Variants in IQCK observed in about 807,000 individuals in gnomAD.
IQCK encodes the protein IQ motif containing K.
IQCK carries 29 observed loss-of-function variants against 28.1 expected under a neutral mutation model. The ratio of observed to expected loss-of-function variants is 1.03; its 90% CI spans 0.77 to 1.41. The LOEUF (loss-of-function observed/expected upper bound fraction) is 1.41, where lower values mean the gene tolerates loss of function less well. IQCK is among the 40% of genes most tolerant of loss of function. The pLI is 0.00. For missense variants in IQCK, 359 were observed against 314.7 expected (o/e 1.14, Z -1.07); for synonymous variants, 113 against 115.1 (o/e 0.98, Z 0.12).
At chr16:19,777,169 G>T (rs1413424046) in intron 6 of IQCK, among the ~76,000 whole-genome samples, 4 of 151,990 alleles carry the variant, frequency 2.6e-5, no homozygotes, top group African/African-American at 9.7e-5. Context: ...TGTCTTTTCA[G>T]CTAAGTTTTA....
chr16:19,829,291 C>A (rs949655937), downstream of IQCK, among the ~76,000 whole-genome samples: 7 of 151,618 alleles, frequency 4.6e-5, no homozygotes, highest in African/African-American at 1.5e-4. Flanking sequence ...TCTGCTCTTA[C>A]AATGTGCCAA....
At chr16:19,737,177 T>TA (rs2054770182) in intron 4 of IQCK, among the ~76,000 whole-genome samples, 1 of 151,592 alleles carries the variant, frequency 6.6e-6, no homozygotes, top group Non-Finnish European at 1.5e-5. Context: ...AAAAAAAAGA[T>TA]ACTAAAAAAG....
At chr16:19,827,181 C>T (rs1469219795) in exon 8 of IQCK, 1 of 1,370,134 alleles carries the variant, frequency 7.3e-7, no homozygotes, top group African/African-American at 1.4e-5. Flanking sequence ...CAAGAAAAGC[C>T]TGATTCTTAT....
chr16:19,820,557 G>A (rs191558381), intron 7 of IQCK, among the ~76,000 whole-genome samples: 24 of 151,478 alleles, frequency 1.6e-4, no homozygotes, highest in Admixed American at 1.4e-3. Context: ...GCTGAGGCAC[G>A]AGAATCACTT....
At chr16:19,834,966 A>C (rs954461964) in intron 9 of IQCK, among the ~76,000 whole-genome samples, 4 of 152,186 alleles carry the variant, frequency 2.6e-5, no homozygotes, top group African/African-American at 9.6e-5. Context: ...CCATTCATCT[A>C]TCAACATACA....
chr16:19,835,587 C>CTTTTTTT (rs372317479), intron 9 of IQCK, among the ~76,000 whole-genome samples: 1 of 138,940 alleles, frequency 7.2e-6, no homozygotes, highest in African/African-American at 2.7e-5. Flanking sequence ...CTTTTCTTTT[C>CTTTTTTT]TTTTTTTTTT....
intron 6 of IQCK, among the ~76,000 whole-genome samples, chr16:19,766,462 C>A (rs1404344806): frequency 6.6e-6 from 1 of 152,210 alleles, no homozygotes; most frequent in Non-Finnish European, 1.5e-5. Flanking sequence ...AAGGCAAGAA[C>A]TCAAATGCTG....
intron 9 of IQCK, among the ~76,000 whole-genome samples, chr16:19,834,482 A>T (rs1289927537): frequency 6.6e-6 from 1 of 152,172 alleles, no homozygotes; most frequent in Non-Finnish European, 1.5e-5. Context: ...TCCAGTGCAA[A>T]GCTTCTCAGC....
intron 6 of IQCK, among the ~76,000 whole-genome samples, chr16:19,770,863 T>C (rs2055310828): frequency 6.6e-6 from 1 of 152,144 alleles, no homozygotes; most frequent in South Asian, 2.1e-4. Flanking sequence ...CCTCAAGTGA[T>C]CCACCTGCCT....
chr16:19,856,628 T>C (rs1438959897), exon 10 of IQCK: 16 of 1,131,968 alleles, frequency 1.4e-5, no homozygotes, highest in Non-Finnish European at 2.1e-5. Flanking sequence ...GCTCTCTCTC[T>C]TGTGATTTCT....
At chr16:19,746,194 T>C (rs2054910278) in intron 4 of IQCK, among the ~76,000 whole-genome samples, 1 of 151,614 alleles carries the variant, frequency 6.6e-6, no homozygotes, top group South Asian at 2.1e-4. Flanking sequence ...TCATTTCTTT[T>C]TTTTTTTCTT....
intron 7 of IQCK, among the ~76,000 whole-genome samples, chr16:19,794,823 GAAAA>G (rs371791340): frequency 1.5e-5 from 1 of 65,624 alleles, no homozygotes; most frequent in Non-Finnish European, 2.4e-5. Flanking sequence ...GATGAAAGGA[GAAAA>G]AAAAAATGTG....
chr16:19,813,924 A>G (rs922636913), intron 7 of IQCK, among the ~76,000 whole-genome samples: 8 of 152,150 alleles, frequency 5.3e-5, no homozygotes, highest in African/African-American at 1.9e-4. Flanking sequence ...AACACATTAA[A>G]GAAAACAATT....
At chr16:19,744,919 T>A (rs939416249) in intron 4 of IQCK, among the ~76,000 whole-genome samples, 1 of 152,250 alleles carries the variant, frequency 6.6e-6, no homozygotes, top group African/African-American at 2.4e-5. Flanking sequence ...TTCCTGTGTG[T>A]ATAGCGATTT....
intron 7 of IQCK, among the ~76,000 whole-genome samples, chr16:19,793,643 G>GTTTTTTTTTTTTT (rs1285541664): frequency 1.6e-5 from 1 of 61,798 alleles, no homozygotes; most frequent in Non-Finnish European, 2.6e-5. Context: ...TCTCAGTTGG[G>GTTTTTTTTTTTTT]TTTTTTTTTT....
intron 7 of IQCK, among the ~76,000 whole-genome samples, chr16:19,807,341 T>C (rs573935684): frequency 2.0e-5 from 3 of 152,230 alleles, no homozygotes; most frequent in Non-Finnish European, 4.4e-5. Context: ...ATTGTGTTGT[T>C]TCTTAAACCT....
chr16:19,808,028 A>T (rs1597577129), intron 7 of IQCK, among the ~76,000 whole-genome samples: 1 of 152,040 alleles, frequency 6.6e-6, no homozygotes, highest in African/African-American at 2.4e-5. Context: ...CATCAAGAAA[A>T]CTTTTGTCTG....
At chr16:19,846,662 C>T (rs1469751365) in intron 9 of IQCK, among the ~76,000 whole-genome samples, 1 of 152,124 alleles carries the variant, frequency 6.6e-6, no homozygotes, top group East Asian at 1.9e-4. Flanking sequence ...GCTTAATTTT[C>T]CCAAAAATAA....
chr16:19,740,966 TA>T lies in IQCK; in HGVS notation c.474+5533del, dbSNP rs59584575. Among the ~76,000 whole-genome samples the T allele has an allele frequency of 6.1e-3, 781 of 129,072 alleles. 4 individuals carry two copies. Among genetic ancestry groups the T allele is most frequent in the East Asian group, 0.032 (140 of 4,388 alleles). The allele number at this position is 129,072 out of a possible 152,430, so 84.7% of individuals were successfully genotyped here. On this transcript the variant is annotated intron_variant, in intron 4 of 7. Coordinates refer to ENST00000564186, the Ensembl canonical transcript of IQCK. The stretch of plus-strand genomic sequence containing the variant: ...CTGGGCAACAGAGCGAGACTCCATC[TA>T]AAAAAAAAAAAAAAAAGAATATCTA...
Sources: gnomAD v4.1 joint callset for allele counts (sites outside exome capture counted in the v4.1 genomes callset) on GRCh38, gnomAD v4.1.1 for gene constraint, MANE v1.5 for transcripts, NCBI Gene and HGNC (gene_info 2026-07-23, HGNC 2026-07-21) for gene names.